Variants in GTF2IRD2B observed in about 807,000 individuals in gnomAD.
GTF2IRD2B encodes GTF2I repeat domain containing 2B, also known as general transcription factor II-I repeat domain-containing protein 2B.
A neutral mutation model predicts 55.6 loss-of-function variants in GTF2IRD2B; 10 were observed. That is an observed-to-expected ratio of 0.18 (90% CI 0.11 to 0.31). The LOEUF (loss-of-function observed/expected upper bound fraction) is 0.31, where lower values mean the gene tolerates loss of function less well. Among genes scored for constraint, GTF2IRD2B ranks in the 10% least tolerant of loss-of-function variants. The pLI is 1.00. For missense variants in GTF2IRD2B, 206 were observed against 802.7 expected, an observed-to-expected ratio of 0.26 and a Z score of 8.98; for synonymous variants, 107 against 320.5, an observed-to-expected ratio of 0.33 and a Z score of 7.12.
At chr7:75,093,537 C>G (rs1807334812) in intron 1 of GTF2IRD2B, among the ~76,000 whole-genome samples, 1 of 152,268 alleles carries the variant, frequency 6.6e-6, no homozygotes, top group African/African-American at 2.4e-5. Context: ...GAAACCCCAA[C>G]CCCATTAGGC....
chr7:75,104,053 C>CAA (rs587607735), intron 1 of GTF2IRD2B, among the ~76,000 whole-genome samples: 36 of 87,776 alleles, frequency 4.1e-4, no homozygotes, highest in African/African-American at 1.3e-3. Flanking sequence ...GACTCCGTCT[C>CAA]AAAAAAAAAA....
At position 75,149,299 on chromosome 7, in the gene GTF2IRD2B, G is replaced by A. The variant is rs1317168171; in HGVS notation, c.*2G>A. On this transcript the variant is annotated 3_prime_UTR_variant, in exon 16 of 16. Coordinates refer to ENST00000472837, the MANE Select transcript of GTF2IRD2B (RefSeq NM_001003795.3). ...TCTGTACTCCACATCGCAACGTGAT[G>A]GAGAGAAAACTCCTGGCAGGGCCCT... 2.6e-6 allele frequency: 2 copies of A among 755,320 alleles called. No homozygotes were observed. The highest frequency in any genetic ancestry group is 4.9e-6 in the Non-Finnish European group (2 of 409,750). 46.8% of individuals were successfully genotyped at this position (755,320 alleles called of 1,614,324 possible).
intron 3 of GTF2IRD2B, among the ~76,000 whole-genome samples, chr7:75,117,562 C>T (rs1212427955): frequency 6.6e-6 from 1 of 152,300 alleles, no homozygotes. Flanking sequence ...AATACTCCAG[C>T]TGGCTTCCCA....
rs1809231774 is a variant in GTF2IRD2B at position 75,148,675 on chromosome 7, A to G, written c.2228A>G (p.Gln743Arg). The G allele has an allele frequency of 1.4e-6, 1 of 708,172 alleles. No homozygotes were observed. Among genetic ancestry groups the G allele is most frequent in the Non-Finnish European group, 2.6e-6 (1 of 382,160 alleles). The allele number at this position is 708,172 out of a possible 1,614,324, so 43.9% of individuals were successfully genotyped here. A position where few individuals can be genotyped will look rare whatever the true frequency, so the allele number is the denominator to read the frequency against. ...FMSSRGKPLP[Q>R]LSSIDWIRDL... ...TCATCCAGAGGGAAACCCCTGCCTCAACTGAGCTCCATAGATTGGATCCGA... is the reference window on the plus strand; with the variant it reads ...TCATCCAGAGGGAAACCCCTGCCTCGACTGAGCTCCATAGATTGGATCCGA... Residue 743 changes from glutamine (Q) to arginine (R), a missense_variant, in exon 16 of 16, where the codon CAA (glutamine) becomes CGA (arginine). Gln to Arg is a conservative substitution (Grantham distance 43). Coordinates refer to ENST00000472837, the MANE Select transcript of GTF2IRD2B (RefSeq NM_001003795.3).
At chr7:75,120,833 C>G (rs1554536618) in intron 3 of GTF2IRD2B, 58 bp from the exon 4 acceptor site, 37 of 1,577,494 alleles carry the variant, frequency 2.3e-5, no homozygotes, top group Non-Finnish European at 2.9e-5. Context: ...AAACAAAGTA[C>G]GGAAGTGTAC....
intron 8 of GTF2IRD2B, among the ~76,000 whole-genome samples, chr7:75,126,822 C>A (rs1426004666): frequency 1.3e-5 from 2 of 150,498 alleles, no homozygotes; most frequent in Non-Finnish European, 3.0e-5. Context: ...CGTAGTAAAA[C>A]CCTGTCTCTA....
At chr7:75,123,057 C>CAAAAAA in intron 4 of GTF2IRD2B, 79 bp from the exon 5 acceptor site, 1 of 1,562,198 alleles carries the variant, frequency 6.4e-7, no homozygotes, top group Non-Finnish European at 8.6e-7. Context: ...TTCTACAAAA[C>CAAAAAA]AAAAAACAAA....
chr7:75,132,283 T>G (rs1808683780), intron 8 of GTF2IRD2B, among the ~76,000 whole-genome samples: 1 of 126,034 alleles, frequency 7.9e-6, no homozygotes, highest in Admixed American at 7.8e-5. Context: ...CACTTGAACC[T>G]GGGAGGTGGA....
chr7:75,145,601 C>T lies in GTF2IRD2B; in HGVS notation c.1246+1623C>T, dbSNP rs1443310094. Among the ~76,000 whole-genome samples the T allele has an allele frequency of 6.8e-5, 10 of 147,026 alleles. No individual in the cohort carries two copies. The Admixed American group carries it at 6.8e-4, about 10-fold the overall frequency. On this transcript the variant is annotated intron_variant, in intron 15 of 15. Coordinates refer to ENST00000472837, the MANE Select transcript of GTF2IRD2B (RefSeq NM_001003795.3). ...TACAAAAATTAGCCGGGCATGGTGG[C>T]GCGTGCCTATAATCCCAGCTACTCG...
rs1554536906 is a variant in GTF2IRD2B at position 75,119,020 on chromosome 7, C to G, written c.239-1871C>G. Among the ~76,000 whole-genome samples the G allele has an allele frequency of 5.3e-5, 7 of 131,294 alleles. 1 individual carries two copies. The highest frequency in any genetic ancestry group is 2.4e-4 in the East Asian group (1 of 4,222). The allele number at this position is 131,294 out of a possible 152,430, so 86.1% of individuals were successfully genotyped here. A position where few individuals can be genotyped will look rare whatever the true frequency, so the allele number is the denominator to read the frequency against. On this transcript the variant is annotated intron_variant, in intron 3 of 15. Coordinates refer to ENST00000472837, the MANE Select transcript of GTF2IRD2B (RefSeq NM_001003795.3). ...ACCAGCCTGGCCAACATGACGAAAC[C>G]TCGTCTCTACTAAAATTATAAAAGT...
chr7:75,126,870 G>A lies in GTF2IRD2B; in HGVS notation c.670+485G>A, dbSNP rs183419194. ...AAATTAGCTGGGCATGGTCGTGTGC[G>A]CCTGTAGTCCCAGCTACTTGGGAGG... On this transcript the variant is annotated intron_variant, in intron 8 of 15. Transcript: ENST00000472837. 4.5e-3 allele frequency among the ~76,000 whole-genome samples: 679 copies of A among 150,486 alleles called. 16 individuals are homozygous for A. Among genetic ancestry groups the A allele is most frequent in the African/African-American group, 0.015 (629 of 41,252 alleles).
At chr7:75,121,678 C>T (rs1584537510) in intron 4 of GTF2IRD2B, among the ~76,000 whole-genome samples, 1 of 151,430 alleles carries the variant, frequency 6.6e-6, no homozygotes, top group South Asian at 2.1e-4. Context: ...AGGTTGGTCT[C>T]GAACTCCTGA....
intron 1 of GTF2IRD2B, among the ~76,000 whole-genome samples, chr7:75,101,328 G>A (rs1554449519): frequency 1.3e-5 from 2 of 151,258 alleles, no homozygotes; most frequent in South Asian, 4.2e-4. Context: ...CCAACACTCT[G>A]GGAGGCTGAG....
At chr7:75,116,693 A>G (rs1584533647) in intron 3 of GTF2IRD2B, among the ~76,000 whole-genome samples, 1 of 130,046 alleles carries the variant, frequency 7.7e-6, no homozygotes, top group Admixed American at 8.3e-5. Context: ...CCCAGGCTGG[A>G]GTGCACTGGC....
In GTF2IRD2B at chr7:75,149,653, C is replaced by T. The variant is rs1554454769; in HGVS notation, c.*356C>T. 2 of 297,024 alleles carry T rather than the reference C, an allele frequency of 6.7e-6. No homozygotes were observed. Among genetic ancestry groups the T allele is most frequent in the Non-Finnish European group, 1.3e-5 (2 of 151,754 alleles). The allele number at this position is 297,024 out of a possible 1,614,324, so 18.4% of individuals were successfully genotyped here. On this transcript the variant is annotated 3_prime_UTR_variant, in exon 16 of 16. Coordinates refer to ENST00000472837, the MANE Select transcript of GTF2IRD2B (RefSeq NM_001003795.3). ...TCGACCTCACAAAGTGCTGGGATTACAGGCATGAACCACTGTGCCCAGCTG... is the reference window on the plus strand; with the variant it reads ...TCGACCTCACAAAGTGCTGGGATTATAGGCATGAACCACTGTGCCCAGCTG...
At chr7:75,106,407 ATCT>A (rs1807809406) in intron 1 of GTF2IRD2B, among the ~76,000 whole-genome samples, 1 of 151,752 alleles carries the variant, frequency 6.6e-6, no homozygotes, top group Non-Finnish European at 1.5e-5. Flanking sequence ...CAATAGAAAA[ATCT>A]TCTGTCTTCC....
At chr7:75,130,407 G>A (rs1477872636) in intron 8 of GTF2IRD2B, among the ~76,000 whole-genome samples, 1 of 72,578 alleles carries the variant, frequency 1.4e-5, no homozygotes, top group Non-Finnish European at 2.7e-5. Flanking sequence ...TCAAACTCCT[G>A]AACTCAGGTA....
At chr7:75,134,034 G>C (rs1808749943) in intron 9 of GTF2IRD2B, among the ~76,000 whole-genome samples, 1 of 125,896 alleles carries the variant, frequency 7.9e-6, no homozygotes, top group African/African-American at 3.8e-5. Context: ...TCTCCTGACG[G>C]TATCCAGTAG....
At chr7:75,115,096 CTTTT>C (rs60983909) in intron 3 of GTF2IRD2B, among the ~76,000 whole-genome samples, 1 of 43,410 alleles carries the variant, frequency 2.3e-5, no homozygotes, top group Non-Finnish European at 4.1e-5. Flanking sequence ...TCGTGCCCAG[CTTTT>C]TTTTTTTTTT....
Sources: gnomAD v4.1 joint callset for allele counts (sites outside exome capture counted in the v4.1 genomes callset) on GRCh38, gnomAD v4.1.1 for gene constraint, MANE v1.5 for transcripts, NCBI Gene and HGNC (gene_info 2026-07-23, HGNC 2026-07-21) for gene names.